Variants in TCP11L2 observed in about 807,000 individuals in gnomAD.
TCP11L2 encodes the protein t-complex 11 like 2.
In TCP11L2, 39 loss-of-function variants were observed where a neutral mutation model predicts 50.7. That is an observed-to-expected ratio of 0.77 (90% CI 0.60 to 1.01). The LOEUF is 1.01. Ranked by LOEUF, TCP11L2 falls within the 50% of genes least tolerant of loss-of-function variation. The pLI, the probability that TCP11L2 is intolerant of heterozygous loss-of-function variation, is 0.00. For synonymous variants in TCP11L2, 192 were observed against 219.3 expected, an observed-to-expected ratio of 0.88 and a Z score of 1.10; for missense variants, 612 against 614.7, an observed-to-expected ratio of 1.00 and a Z score of 0.05.
Position 106,340,849 on chromosome 12 carries a change from T to C in TCP11L2, c.1166T>C (p.Leu389Pro). ...NKETFNLKEV[L>P]NSIGIQTCVE... ...AGGACCTTTAACTTGAAGGAAGTCC[T>C]GAATTCTATTGGTATTCAGACTTGT... The change falls in exon 9 of 10, where the codon CTG (leucine) becomes CCG (proline). Residue 389 changes from leucine to proline, a missense_variant. Transcript: ENST00000299045. The C allele has an allele frequency of 6.2e-7, 1 of 1,602,480 alleles. No homozygotes were observed. Among genetic ancestry groups the C allele is most frequent in the East Asian group, 2.2e-5 (1 of 44,744 alleles).
At chr12:106,339,750 T>G (rs995871334) in intron 8 of TCP11L2, among the ~76,000 whole-genome samples, 3 of 152,254 alleles carry the variant, frequency 2.0e-5, no homozygotes, top group African/African-American at 7.2e-5. Context: ...TCTAGGGCAG[T>G]ACATTGTAGT....
chr12:106,334,959 G>T (rs1370769546), intron 6 of TCP11L2, among the ~76,000 whole-genome samples: 1 of 151,906 alleles, frequency 6.6e-6, no homozygotes, highest in Admixed American at 6.6e-5. Flanking sequence ...AGAAAAGAAA[G>T]AAAATAATAT....
chr12:106,334,335 A>C (rs1167381065), intron 6 of TCP11L2, among the ~76,000 whole-genome samples: 1 of 151,756 alleles, frequency 6.6e-6, no homozygotes, highest in Non-Finnish European at 1.5e-5. Flanking sequence ...TTATTTCAGA[A>C]CCTCTCTAGC....
chr12:106,303,448 C>T (rs1374103823), intron 1 of TCP11L2: 1 of 152,380 alleles, frequency 6.6e-6, no homozygotes, highest in Non-Finnish European at 1.5e-5. Flanking sequence ...TTTGTTTTGA[C>T]AGGAAACCTG....
rs2036074525 is a variant in TCP11L2, at chr12:106,340,879, A to G, written c.1196A>G (p.Glu399Gly). 1 of 1,613,458 alleles carries G rather than the reference A, an allele frequency of 6.2e-7. No homozygotes were observed. Among genetic ancestry groups the G allele is most frequent in the East Asian group, 2.2e-5 (1 of 44,808 alleles). The change falls in exon 9 of 10, where the codon GAG becomes GGG. Residue 399 changes from glutamate to glycine, a missense_variant. By Grantham distance (98) the Glu-to-Gly change is moderately conservative. Coordinates refer to ENST00000299045, the MANE Select transcript of TCP11L2 (RefSeq NM_152772.3). Reference sequence around the variant, plus strand: ...TCTATTGGTATTCAGACTTGTGTTGAGGTTAACAAGACCCTGATGGAAAGA... The same window carrying G: ...TCTATTGGTATTCAGACTTGTGTTGGGGTTAACAAGACCCTGATGGAAAGA... ...LNSIGIQTCV[E>G]VNKTLMERGL...
chr12:106,329,411 G>A, intron 6 of TCP11L2: 1 of 1,535,946 alleles, frequency 6.5e-7, no homozygotes, highest in East Asian at 2.4e-5. Context: ...CAGCCTGTGA[G>A]AGTGAAGTCT....
chr12:106,325,912 A>AC (rs1418956049), intron 6 of TCP11L2: 1 of 151,426 alleles, frequency 6.6e-6, no homozygotes, highest in African/African-American at 2.4e-5. Flanking sequence ...AAAAAAAAAA[A>AC]ACCCACACAC....
At chr12:106,321,748 G>A in intron 5 of TCP11L2, 42 bp downstream of exon 5, 2 of 1,567,420 alleles carry the variant, frequency 1.3e-6, no homozygotes, top group Non-Finnish European at 1.8e-6. Context: ...GTATCTTTGA[G>A]TTCATTCAGA....
At chr12:106,312,190 T>G (rs2034879379) in intron 2 of TCP11L2, 1 of 386,584 alleles carries the variant, frequency 2.6e-6, no homozygotes, top group Non-Finnish European at 5.0e-6. Context: ...TTATGAATAC[T>G]TATTACTTTA....
At chr12:106,313,327 G>A (rs1041797774) in intron 2 of TCP11L2, among the ~76,000 whole-genome samples, 2 of 152,128 alleles carry the variant, frequency 1.3e-5, no homozygotes, top group African/African-American at 4.8e-5. Context: ...GCTTACACCT[G>A]TAATCCCAGC....
chr12:106,316,046 T>C (rs1326476258), intron 3 of TCP11L2, among the ~76,000 whole-genome samples: 1 of 152,232 alleles, frequency 6.6e-6, no homozygotes, highest in Non-Finnish European at 1.5e-5. Flanking sequence ...ATGTTGTTCA[T>C]TTAATATTAA....
chr12:106,312,518 G>T lies in TCP11L2; in HGVS notation c.157+1286G>T, dbSNP rs372382325. ...GGGTACCTAGGCATCCTGAAGAAGGGTTTTACCAATTCTGTGTATCACCTT... is the reference window on the plus strand; with the variant it reads ...GGGTACCTAGGCATCCTGAAGAAGGTTTTTACCAATTCTGTGTATCACCTT... On this transcript the variant is annotated intron_variant, in intron 2 of 9. Coordinates refer to ENST00000299045, the MANE Select transcript of TCP11L2 (RefSeq NM_152772.3). The T allele has an allele frequency of 1.5e-4, 113 of 741,856 alleles. No individual in the cohort carries two copies. The African/African-American group carries it at 1.9e-3, about 13-fold the overall frequency. 46.0% of individuals were successfully genotyped at this position (741,856 alleles called of 1,614,324 possible). A position where few individuals can be genotyped will look rare whatever the true frequency, so the allele number is the denominator to read the frequency against.
intron 1 of TCP11L2, among the ~76,000 whole-genome samples, chr12:106,310,492 A>G (rs1219133884): frequency 2.6e-5 from 4 of 152,228 alleles, no homozygotes; most frequent in African/African-American, 4.8e-5. Context: ...CAGCTATTTT[A>G]TCTGAAACAA....
At chr12:106,306,508 A>G (rs980144593) in intron 1 of TCP11L2, among the ~76,000 whole-genome samples, 4 of 152,198 alleles carry the variant, frequency 2.6e-5, no homozygotes, top group Non-Finnish European at 4.4e-5. Flanking sequence ...AGTGCTATTG[A>G]TTGACTGATA....
At chr12:106,307,818 T>C (rs2034692177) in intron 1 of TCP11L2, among the ~76,000 whole-genome samples, 1 of 152,182 alleles carries the variant, frequency 6.6e-6, no homozygotes, top group Non-Finnish European at 1.5e-5. Flanking sequence ...GAGGCAATGA[T>C]ATTAACAAAA....
upstream of TCP11L2, among the ~76,000 whole-genome samples, chr12:106,302,309 C>A (rs1240116493): frequency 2.0e-5 from 2 of 102,192 alleles, no homozygotes; most frequent in Non-Finnish European, 4.2e-5. Context: ...GAGCCCCGCT[C>A]AGCCCCCGCT....
At chr12:106,335,400 C>T (rs369897894) in intron 6 of TCP11L2, among the ~76,000 whole-genome samples, 1 of 152,282 alleles carries the variant, frequency 6.6e-6, no homozygotes, top group East Asian at 1.9e-4. Flanking sequence ...ACTTACAGAG[C>T]TCTTCCTCTT....
intron 6 of TCP11L2, chr12:106,325,672 C>T (rs2035511397): frequency 6.6e-6 from 1 of 152,220 alleles, no homozygotes. Flanking sequence ...GCAGGCACAT[C>T]ACCTGAGATC....
chr12:106,314,572 TGTGTGAGAGAGA>T (rs1290153201), intron 3 of TCP11L2, 79 bp downstream of exon 3: 9,377 of 832,652 alleles, frequency 0.011, 2 homozygotes, highest in South Asian at 0.025. Flanking sequence ...TGTGTGTGTG[TGTGTGAGAGAGA>T]GAGAGAGAGA....
Sources: allele counts gnomAD v4.1 joint callset (sites outside exome capture counted in the v4.1 genomes callset), GRCh38; gene constraint gnomAD v4.1.1; transcripts MANE v1.5; gene names NCBI Gene and HGNC (gene_info 2026-07-23, HGNC 2026-07-21).